FLNB: variants seen among roughly 807,000 people sequenced by gnomAD.
FLNB encodes the protein filamin B.
In FLNB, 111 loss-of-function variants were observed where a neutral mutation model predicts 250.6. The ratio of observed to expected loss-of-function variants is 0.44; its 90% CI spans 0.38 to 0.52. The LOEUF is 0.52. Among genes scored for constraint, FLNB ranks in the 20% least tolerant of loss-of-function variants. The pLI, the probability that FLNB is intolerant of heterozygous loss-of-function variation, is 0.00. For synonymous variants in FLNB, 1,302 were observed against 1,372.1 expected (o/e 0.95, Z 1.13); for missense variants, 2,869 against 3,447.8 (o/e 0.83, Z 4.20).
chr3:58,063,049 T>A (rs2097180772), intron 1 of FLNB, among the ~76,000 whole-genome samples: 1 of 152,182 alleles, frequency 6.6e-6, no homozygotes, highest in Non-Finnish European at 1.5e-5. Flanking sequence ...GTTACGACTC[T>A]CATTTTGCAG....
rs969210942 is a variant in FLNB, at chr3:58,142,356, G to A, written c.5182-294G>A. Among the ~76,000 whole-genome samples, 2 of 152,180 alleles carry A rather than the reference G, an allele frequency of 1.3e-5. No individual in the cohort carries two copies. Among genetic ancestry groups the A allele is most frequent in the Admixed American group, 6.5e-5 (1 of 15,284 alleles). Reference sequence around the variant, plus strand: ...AACCTTTCCAGATGGAGCCTCTTGGGACTCATAGACATTGCTGTCTCTCAC... The same window carrying A: ...AACCTTTCCAGATGGAGCCTCTTGGAACTCATAGACATTGCTGTCTCTCAC... On this transcript the variant is annotated intron_variant, in intron 30 of 45. Coordinates refer to ENST00000295956, the MANE Select transcript of FLNB (RefSeq NM_001457.4). The surrounding 1 kb of genome is among the most constrained non-coding windows in gnomAD (Gnocchi z 4.3).
intron 11 of FLNB, 134 bp downstream of exon 11, chr3:58,105,350 C>A: frequency 1.8e-6 from 2 of 1,094,966 alleles, no homozygotes; most frequent in Non-Finnish European, 2.8e-6. Flanking sequence ...CCACCCTAAG[C>A]CATCTCTGCG....
intron 43 of FLNB, among the ~76,000 whole-genome samples, chr3:58,167,471 G>A (rs545372818): frequency 6.6e-6 from 1 of 152,350 alleles, no homozygotes; most frequent in South Asian, 2.1e-4. Context: ...TTTCCCAGCT[G>A]GGGCAGTGTC....
At chr3:58,150,541 G>A (rs972206303) in intron 38 of FLNB, 2 of 397,820 alleles carry the variant, frequency 5.0e-6, no homozygotes, top group Non-Finnish European at 9.4e-6. Context: ...AATCATGTCA[G>A]TGAAAGAACT....
chr3:58,109,305 C>G lies in FLNB; in HGVS notation c.2182C>G (p.Pro728Ala). 7 of 1,613,940 alleles carry G rather than the reference C, an allele frequency of 4.3e-6. No homozygotes were observed. Among genetic ancestry groups the G allele is most frequent in the Non-Finnish European group, 5.9e-6 (7 of 1,179,918 alleles). Residue 728 changes from proline to alanine, a missense_variant, in exon 14 of 46, where the codon CCG becomes GCG. This residue lies in a region of FLNB where 1,348 missense variants were observed against 1,466.7 expected (regional missense o/e 0.92). Transcript: ENST00000295956. Reference protein sequence around the residue: ...IAVVWGGVNIPHSPYRVNIGQ... With the variant: ...IAVVWGGVNIAHSPYRVNIGQ... ...TGTGGTCTGGGGAGGCGTGAACATC[C>G]CGCACAGCCCCTACAGGGTAGGTTG... is the stretch of plus-strand genomic sequence containing the variant.
At chr3:58,132,311 C>A (rs1233129406) in intron 25 of FLNB, 6 of 453,376 alleles carry the variant, frequency 1.3e-5, no homozygotes, top group Non-Finnish European at 2.4e-5. Flanking sequence ...CTGCCCTGCA[C>A]CTATGCCCCA....
At chr3:58,109,114 A>T in intron 13 of FLNB, 65 bp from the exon 14 acceptor site, 2 of 1,606,908 alleles carry the variant, frequency 1.2e-6, no homozygotes, top group Non-Finnish European at 1.7e-6. Context: ...GGGAGGCCAC[A>T]GTGACCCTGT....
chr3:58,152,751 G>A, intron 38 of FLNB: 2 of 1,340,228 alleles, frequency 1.5e-6, no homozygotes, highest in Non-Finnish European at 2.0e-6. Context: ...TGTGGGGCTG[G>A]AGGGTGCAGT....
At chr3:58,055,948 G>A (rs1186481945) in intron 1 of FLNB, among the ~76,000 whole-genome samples, 1 of 152,036 alleles carries the variant, frequency 6.6e-6, no homozygotes, top group Non-Finnish European at 1.5e-5. Context: ...AGGATAGTTT[G>A]TGCTATCTAA....
chr3:58,123,685 G>T lies in FLNB; in HGVS notation c.3719G>T (p.Gly1240Val). Residue 1240 changes from glycine to valine, a missense_variant, in exon 21 of 46, where the codon GGG becomes GTG. Gly to Val is a moderately radical substitution (Grantham distance 109, BLOSUM62 -3). Coordinates refer to ENST00000295956, the MANE Select transcript of FLNB (RefSeq NM_001457.4). ...AAAGTCTTTGGACCAGGAATAGAAGGGAAAGGTGGGTTTCATTTAAAAAAA... is the reference window on the plus strand; with the variant it reads ...AAAGTCTTTGGACCAGGAATAGAAGTGAAAGGTGGGTTTCATTTAAAAAAA... ...RIKVFGPGIE[G>V]KDVFREATTD... 1 of 1,555,346 alleles carries T rather than the reference G, an allele frequency of 6.4e-7. No individual in the cohort carries two copies. Among genetic ancestry groups the T allele is most frequent in the Non-Finnish European group, 8.8e-7 (1 of 1,141,714 alleles).
intron 21 of FLNB, 127 bp from the exon 22 acceptor site, chr3:58,124,205 A>G: frequency 1.0e-6 from 1 of 977,222 alleles, no homozygotes; most frequent in Non-Finnish European, 1.6e-6. Flanking sequence ...TGAGAGTTAG[A>G]AAAACCAGTT....
Position 58,109,202 on chromosome 3 carries a change from C to T in FLNB, c.2079C>T (p.Asp693=), listed in dbSNP as rs928648567. 1 of 1,614,212 alleles carries T rather than the reference C, an allele frequency of 6.2e-7. No homozygotes were observed. Among genetic ancestry groups the T allele is most frequent in the Non-Finnish European group, 8.5e-7 (1 of 1,180,042 alleles). The change falls in exon 14 of 46, where the codon GAC becomes GAT. Residue 693 remains aspartate (D), a synonymous_variant. Coordinates refer to ENST00000295956, the MANE Select transcript of FLNB (RefSeq NM_001457.4). ...FAQDGEGQRI[D]IQMKNRMDGT... ...AGGATGGGGAAGGCCAACGCATTGA[C>T]ATCCAGATGAAGAACCGGATGGACG...
chr3:58,021,555 A>G (rs1036114614), intron 1 of FLNB, among the ~76,000 whole-genome samples: 1 of 151,970 alleles, frequency 6.6e-6, no homozygotes, highest in Non-Finnish European at 1.5e-5. Context: ...CCTTATCTCC[A>G]CCAAAGGAGG....
At chr3:58,012,235 A>G (rs1232749821) in intron 1 of FLNB, among the ~76,000 whole-genome samples, 1 of 147,170 alleles carries the variant, frequency 6.8e-6, no homozygotes, top group Admixed American at 6.8e-5. Flanking sequence ...AAAAAAAGTC[A>G]TGCCCGAATG....
chr3:58,109,496 T>C, intron 14 of FLNB, 80 bp from the exon 15 acceptor site: 1 of 1,611,618 alleles, frequency 6.2e-7, no homozygotes, highest in South Asian at 1.1e-5. Flanking sequence ...AGAAGAACTA[T>C]TTCTAACAAT....
chr3:58,152,775 T>G, intron 38 of FLNB: 2 of 1,335,476 alleles, frequency 1.5e-6, no homozygotes, highest in Non-Finnish European at 2.0e-6. Flanking sequence ...ATACTGGCTC[T>G]AGGTGATGGC....
rs150996432 is a variant in FLNB at position 58,090,558 on chromosome 3, C to T, written c.788-4278C>T. ...CATCATCACAAATACATGAGTAATG[C>T]GATGCGTTACTGTGACGTCAGTAGG... On this transcript the variant is annotated intron_variant, in intron 4 of 45. Coordinates refer to ENST00000295956, the MANE Select transcript of FLNB (RefSeq NM_001457.4). Among the ~76,000 whole-genome samples the T allele has an allele frequency of 4.9e-3, 749 of 152,214 alleles. 8 individuals are homozygous for T. Among genetic ancestry groups the T allele is most frequent in the Middle Eastern group, 0.041 (12 of 294 alleles).
At chr3:58,072,705 T>C (rs1280392088) in intron 1 of FLNB, among the ~76,000 whole-genome samples, 1 of 152,174 alleles carries the variant, frequency 6.6e-6, no homozygotes, top group Admixed American at 6.5e-5. Context: ...CTAGTCCTTA[T>C]AATAGCAGAA....
chr3:58,081,812 T>C (rs1201468547), intron 4 of FLNB, 36 bp downstream of exon 4: 1 of 1,610,154 alleles, frequency 6.2e-7, no homozygotes, highest in Non-Finnish European at 8.5e-7. Context: ...ATTGGAGACA[T>C]GTCCTCTGGT....
Sources: allele counts gnomAD v4.1 joint callset (sites outside exome capture counted in the v4.1 genomes callset), GRCh38; gene constraint gnomAD v4.1.1; regional missense constraint gnomAD v4.1.1; non-coding constraint Gnocchi (gnomAD v3.1); transcripts MANE v1.5; gene names NCBI Gene and HGNC (gene_info 2026-07-23, HGNC 2026-07-21).